The following GULP1 variants were observed in gnomAD, a reference collection of about 807,000 sequenced individuals.
The protein encoded by GULP1 is PTB domain-containing engulfment adapter protein 1.
Under a neutral mutation model 40.9 loss-of-function variants are expected in GULP1, and 19 were observed. The observed-to-expected ratio is 0.46, with a 90% CI of 0.32 to 0.68. The LOEUF (loss-of-function observed/expected upper bound fraction) is 0.68, where lower values mean the gene tolerates loss of function less well. GULP1 is among the 30% of genes least tolerant of loss of function. The pLI is 0.03. For missense variants in GULP1, 312 were observed against 362.2 expected (o/e 0.86, Z 1.12); for synonymous variants, 119 against 117.6 (o/e 1.01, Z -0.08).
At chr2:188,358,268 T>A (rs1488715189) in intron 1 of GULP1, among the ~76,000 whole-genome samples, 4 of 152,198 alleles carry the variant, frequency 2.6e-5, no homozygotes, top group Admixed American at 2.6e-4. Flanking sequence ...TTTTCACTTA[T>A]ACTCGGAAGC....
chr2:188,322,301 C>CT (rs893170976), intron 1 of GULP1, among the ~76,000 whole-genome samples: 7 of 146,192 alleles, frequency 4.8e-5, no homozygotes, highest in African/African-American at 7.5e-5. Context: ...TATTTTAGAG[C>CT]TTTTTTTTTT....
At chr2:188,317,460 T>G (rs1488662678) in intron 1 of GULP1, among the ~76,000 whole-genome samples, 1 of 152,172 alleles carries the variant, frequency 6.6e-6, no homozygotes, top group Non-Finnish European at 1.5e-5. Context: ...TTTAGTATAA[T>G]TTAATAATAA....
At chr2:188,486,762 T>C (rs13025659) in intron 4 of GULP1, among the ~76,000 whole-genome samples, 131,674 of 151,872 alleles carry the variant, frequency 0.87, 59,068 homozygotes, top group South Asian at 0.99. Flanking sequence ...TTTTCTTTAA[T>C]GTGCAGTGAC....
intron 9 of GULP1, among the ~76,000 whole-genome samples, chr2:188,579,374 A>G (rs1252645738): frequency 2.6e-5 from 4 of 151,830 alleles, no homozygotes; most frequent in Non-Finnish European, 5.9e-5. Context: ...CTATTTTTAT[A>G]TATTAATTTA....
intron 4 of GULP1, among the ~76,000 whole-genome samples, chr2:188,504,972 G>A (rs2063768591): frequency 6.7e-6 from 1 of 148,446 alleles, no homozygotes; most frequent in African/African-American, 2.5e-5. Context: ...GCTTCATTTT[G>A]CTAATTTGTT....
At chr2:188,500,817 A>G (rs1432047526) in intron 4 of GULP1, among the ~76,000 whole-genome samples, 1 of 151,864 alleles carries the variant, frequency 6.6e-6, no homozygotes, top group Non-Finnish European at 1.5e-5. Flanking sequence ...GTCTTTTCCA[A>G]ATTCTCTTCC....
Position 188,291,911 on chromosome 2 carries a change from C to T in GULP1, c.-427C>T, listed in dbSNP as rs548410189. Reference sequence around the variant, plus strand: ...GAGCGACCCGGAGTCCCCAGCCCCGCGTCCCAGCTGCCGCCAGCGCCAGTT... The same window carrying T: ...GAGCGACCCGGAGTCCCCAGCCCCGTGTCCCAGCTGCCGCCAGCGCCAGTT... On this transcript the variant is annotated 5_prime_UTR_variant, in exon 1 of 12. Transcript: ENST00000409830. 1.3e-5 allele frequency: 2 copies of T among 152,270 alleles called. No homozygotes were observed. Among genetic ancestry groups the T allele is most frequent in the East Asian group, 1.9e-4 (1 of 5,142 alleles). The allele number at this position is 152,270 out of a possible 1,614,324, so 9.4% of individuals were successfully genotyped here. A position where few individuals can be genotyped will look rare whatever the true frequency, so the allele number is the denominator to read the frequency against.
intron 1 of GULP1, among the ~76,000 whole-genome samples, chr2:188,302,167 TA>T (rs1217543382): frequency 1.3e-5 from 2 of 152,164 alleles, no homozygotes; most frequent in African/African-American, 4.8e-5. Context: ...TATTAGTCTA[TA>T]AAAACTTATT....
chr2:188,328,906 A>T (rs944588061), intron 1 of GULP1, among the ~76,000 whole-genome samples: 1 of 152,154 alleles, frequency 6.6e-6, no homozygotes, highest in Non-Finnish European at 1.5e-5. Flanking sequence ...ACATAAACAT[A>T]CCTTCTTTTC....
At chr2:188,394,348 C>T (rs1219843639) in intron 2 of GULP1, among the ~76,000 whole-genome samples, 1 of 151,998 alleles carries the variant, frequency 6.6e-6, no homozygotes, top group East Asian at 1.9e-4. Context: ...TTGTACTTCC[C>T]TAAATGTGTC....
chr2:188,571,135 T>A (rs1244919543), intron 9 of GULP1, among the ~76,000 whole-genome samples: 3 of 152,092 alleles, frequency 2.0e-5, no homozygotes, highest in Non-Finnish European at 4.4e-5. Flanking sequence ...GCAGCCTGGG[T>A]GACAGAGAAA....
intron 6 of GULP1, among the ~76,000 whole-genome samples, chr2:188,531,455 G>T (rs751054776): frequency 5.3e-5 from 8 of 152,068 alleles, no homozygotes; most frequent in Non-Finnish European, 1.2e-4. Context: ...AAGAGCAATG[G>T]CATTCCTTTA....
intron 2 of GULP1, among the ~76,000 whole-genome samples, chr2:188,430,900 A>G (rs2056796917): frequency 6.6e-6 from 1 of 152,236 alleles, no homozygotes; most frequent in South Asian, 2.1e-4. Context: ...CAAGGAGATT[A>G]AGAATCTATA....
chr2:188,373,291 G>C (rs1188259776), intron 1 of GULP1, among the ~76,000 whole-genome samples: 1 of 151,848 alleles, frequency 6.6e-6, no homozygotes, highest in Admixed American at 6.6e-5. Context: ...AATACTTTCT[G>C]AGGGAGCAAT....
intron 9 of GULP1, among the ~76,000 whole-genome samples, chr2:188,580,782 G>C (rs1185901320): frequency 6.6e-6 from 1 of 152,000 alleles, no homozygotes; most frequent in Non-Finnish European, 1.5e-5. Flanking sequence ...AGACTTGTTG[G>C]TCCTTAAAAT....
At chr2:188,403,307 G>GT (rs1184098755) in intron 2 of GULP1, among the ~76,000 whole-genome samples, 1 of 151,644 alleles carries the variant, frequency 6.6e-6, no homozygotes, top group African/African-American at 2.4e-5. Flanking sequence ...TAAATCTCTT[G>GT]TTTTTTTAAT....
At chr2:188,337,710 C>T (rs1329575760) in intron 1 of GULP1, among the ~76,000 whole-genome samples, 3 of 151,932 alleles carry the variant, frequency 2.0e-5, no homozygotes, top group Non-Finnish European at 4.4e-5. Context: ...CTCACAGAAC[C>T]AGCTTTATAT....
intron 1 of GULP1, among the ~76,000 whole-genome samples, chr2:188,362,917 A>G (rs183879170): frequency 3.9e-5 from 6 of 152,224 alleles, no homozygotes; most frequent in Admixed American, 1.3e-4. Context: ...GTGAAGGAGA[A>G]CAGAATATGG....
intron 1 of GULP1, among the ~76,000 whole-genome samples, chr2:188,357,297 A>C (rs1486756983): frequency 6.6e-6 from 1 of 152,210 alleles, no homozygotes; most frequent in Non-Finnish European, 1.5e-5. Flanking sequence ...AAATATTTGC[A>C]AACTATTCAT....
Sources: allele counts gnomAD v4.1 joint callset (sites outside exome capture counted in the v4.1 genomes callset), GRCh38; gene constraint gnomAD v4.1.1; transcripts MANE v1.5; gene names NCBI Gene and HGNC (gene_info 2026-07-23, HGNC 2026-07-21).